The following CEP83 variants were observed in gnomAD, a reference collection of about 807,000 sequenced individuals.
CEP83 encodes centrosomal protein 83, also known as centrosomal protein of 83 kDa.
In CEP83, 70 loss-of-function variants were observed where a neutral mutation model predicts 101.9. The ratio of observed to expected loss-of-function variants is 0.69; its 90% confidence interval spans 0.57 to 0.84. The LOEUF (loss-of-function observed/expected upper bound fraction) is 0.84, where lower values mean the gene tolerates loss of function less well. CEP83 is among the 40% of genes least tolerant of loss of function. CEP83 has a pLI of 0.00. For missense variants in CEP83, 715 were observed against 787.2 expected (o/e 0.91, Z 1.10); for synonymous variants, 264 against 267.9 (o/e 0.99, Z 0.14).
rs532555864 is a variant in CEP83, at chr12:94,417,974, A to C, written c.-101-5383T>G. Among the ~76,000 whole-genome samples, 3 of 152,326 alleles carry C rather than the reference A, an allele frequency of 2.0e-5. No homozygotes were observed. In the South Asian group the frequency reaches 6.2e-4, roughly 32 times the overall value. On this transcript the variant is annotated intron_variant, in intron 2 of 16. Transcript: ENST00000397809. ...TAAAAATGCTTAAACAAACAATGAC[A>C]AACAAGCTTGAAATAAATGAAAAGA...
At chr12:94,424,484 AT>A in intron 2 of CEP83, 1 of 1,613,972 alleles carries the variant, frequency 6.2e-7, no homozygotes, top group Non-Finnish European at 8.5e-7. Flanking sequence ...ACGGGTGGAG[AT>A]AACCTGGCCA....
At chr12:94,329,064 C>A (rs1403508458) in intron 14 of CEP83, among the ~76,000 whole-genome samples, 1 of 152,156 alleles carries the variant, frequency 6.6e-6, no homozygotes, top group Non-Finnish European at 1.5e-5. Context: ...TAGGACAATT[C>A]TAGGTCATAA....
chr12:94,319,125 G>A (rs533539838), intron 14 of CEP83, among the ~76,000 whole-genome samples: 1 of 152,216 alleles, frequency 6.6e-6, no homozygotes, highest in South Asian at 2.1e-4. Context: ...CTTCTTCCTG[G>A]TTCTATCTTG....
intron 1 of CEP83, among the ~76,000 whole-genome samples, chr12:94,438,393 C>T (rs975887107): frequency 3.9e-5 from 6 of 152,102 alleles, no homozygotes; most frequent in African/African-American, 1.4e-4. Flanking sequence ...GCAGGAACAG[C>T]TATTCTTATA....
At chr12:94,305,271 TG>T, downstream of CEP83, 1 of 1,606,766 alleles carries the variant, frequency 6.2e-7, no homozygotes, top group Non-Finnish European at 8.5e-7. Flanking sequence ...AAAGAAGAAA[TG>T]CAAGTGGATG....
chr12:94,361,850 C>T lies in CEP83; in HGVS notation c.1343+5944G>A, dbSNP rs149520203. ...CAGTGTAGCTGGGATTACTGGCGCA[C>T]ACTACCAGGCCCAGCTAATTTTGTA... is the stretch of plus-strand genomic sequence containing the variant. On this transcript the variant is annotated intron_variant, in intron 11 of 16. Transcript: ENST00000397809. 2.1e-3 allele frequency among the ~76,000 whole-genome samples: 326 copies of T among 152,138 alleles called. 1 individual carries two copies. Among genetic ancestry groups the T allele is most frequent in the African/African-American group, 7.4e-3 (307 of 41,500 alleles).
intron 11 of CEP83, 159 bp from the exon 12 acceptor site, chr12:94,335,823 A>AAAAATGTAAAAC: frequency 1.7e-6 from 1 of 597,938 alleles, no homozygotes; most frequent in Non-Finnish European, 3.0e-6. Context: ...CACGTATAAC[A>AAAAATGTAAAAC]AAAATGTAAA....
chr12:94,303,693 CTTTTTTTTTT>C (rs373777720), downstream of CEP83: 57 of 700,242 alleles, frequency 8.1e-5, no homozygotes, highest in East Asian at 2.6e-3. Context: ...ATTCCTCCAT[CTTTTTTTTTT>C]TTTTTTTTTA....
At chr12:94,300,777 T>G in the CEP83 span, 1 of 608,812 alleles carries the variant, frequency 1.6e-6, no homozygotes. Context: ...GTCTGTTGCT[T>G]GGTATGTTTG....
intron 1 of CEP83, among the ~76,000 whole-genome samples, chr12:94,447,022 A>G (rs1239542139): frequency 2.0e-5 from 3 of 152,214 alleles, no homozygotes; most frequent in Admixed American, 2.0e-4. Flanking sequence ...GACATGGAAA[A>G]AACAAATTTT....
intron 1 of CEP83, among the ~76,000 whole-genome samples, chr12:94,438,404 T>C (rs1183048994): frequency 2.0e-5 from 3 of 152,050 alleles, no homozygotes; most frequent in Non-Finnish European, 4.4e-5. Context: ...TATTCTTATA[T>C]CAGACAAAAC....
chr12:94,453,849 A>T (rs2067436487), intron 1 of CEP83, among the ~76,000 whole-genome samples: 1 of 152,218 alleles, frequency 6.6e-6, no homozygotes. Context: ...CTGTAATCCC[A>T]GCACTTTGGG....
intron 11 of CEP83, among the ~76,000 whole-genome samples, chr12:94,363,290 T>A (rs1443067191): frequency 1.3e-5 from 2 of 152,230 alleles, no homozygotes; most frequent in African/African-American, 4.8e-5. Context: ...CACTGTACCC[T>A]GTAAACATGT....
chr12:94,449,570 A>G (rs1260323331), intron 1 of CEP83, among the ~76,000 whole-genome samples: 2 of 151,450 alleles, frequency 1.3e-5, no homozygotes, highest in Non-Finnish European at 2.9e-5. Flanking sequence ...AGCCCAGGCA[A>G]CATGGCAAAA....
At chr12:94,362,255 C>T (rs1052049565) in intron 11 of CEP83, among the ~76,000 whole-genome samples, 1 of 152,024 alleles carries the variant, frequency 6.6e-6, no homozygotes, top group Non-Finnish European at 1.5e-5. Context: ...AAAAGGGACT[C>T]TAATACACTG....
chr12:94,431,407 C>CA (rs1156651020), intron 2 of CEP83, among the ~76,000 whole-genome samples: 1 of 152,014 alleles, frequency 6.6e-6, no homozygotes, highest in Non-Finnish European at 1.5e-5. Context: ...GCTAACACTT[C>CA]AAAAGCACAG....
At chr12:94,454,248 C>T (rs1200112069) in intron 1 of CEP83, among the ~76,000 whole-genome samples, 2 of 152,186 alleles carry the variant, frequency 1.3e-5, no homozygotes, top group Non-Finnish European at 2.9e-5. Context: ...GTAGAGAAGT[C>T]TGTTATTACA....
chr12:94,300,208 A>T, the CEP83 span, among the ~76,000 whole-genome samples: 1 of 152,226 alleles, frequency 6.6e-6, no homozygotes, highest in South Asian at 2.1e-4. Flanking sequence ...ACAGTAGCAC[A>T]TTAGCAGATG....
intron 6 of CEP83, among the ~76,000 whole-genome samples, chr12:94,393,898 T>C (rs369987715): frequency 2.6e-5 from 4 of 152,066 alleles, no homozygotes; most frequent in East Asian, 1.9e-4. Flanking sequence ...AATAAAATAC[T>C]TAGGAATCCA....
Sources: gnomAD v4.1 joint callset for allele counts (sites outside exome capture counted in the v4.1 genomes callset) on GRCh38, gnomAD v4.1.1 for gene constraint, MANE v1.5 for transcripts, NCBI Gene and HGNC (gene_info 2026-07-23, HGNC 2026-07-21) for gene names.